SMU1: variants seen among roughly 807,000 people sequenced by gnomAD.
The protein encoded by SMU1 is SMU1 DNA replication regulator and spliceosomal factor.
In SMU1, 2 loss-of-function variants were observed where a neutral mutation model predicts 62.0. The ratio of observed to expected loss-of-function variants is 0.03; its 90% confidence interval spans 0.01 to 0.10. The LOEUF is 0.10. SMU1 is among the 10% of genes least tolerant of loss of function. The probability of loss-of-function intolerance (pLI) is 1.00; values close to 1 mark genes in which losing one functional copy is unlikely to be tolerated. For missense variants in SMU1, 227 were observed against 622.1 expected, an observed-to-expected ratio of 0.36 and a Z score of 6.76; for synonymous variants, 188 against 212.4, an observed-to-expected ratio of 0.89 and a Z score of 1.00.
chr9:33,067,912 T>C (rs973411759), intron 4 of SMU1, among the ~76,000 whole-genome samples: 6 of 152,184 alleles, frequency 3.9e-5, no homozygotes, highest in African/African-American at 1.4e-4. Context: ...TCCCTATTAA[T>C]CACTTGTGCC....
At chr9:33,070,663 G>A (rs577923091) in intron 3 of SMU1, among the ~76,000 whole-genome samples, 56 of 152,278 alleles carry the variant, frequency 3.7e-4, no homozygotes, top group Admixed American at 3.2e-3. Flanking sequence ...AAGAAAATGA[G>A]GTACATGTAC....
rs926024340 is a variant in SMU1 at position 33,041,782 on chromosome 9, A to C, written c.*5511T>G. 1 of 152,152 alleles carries C rather than the reference A, an allele frequency of 6.6e-6. No individual in the cohort carries two copies. Among genetic ancestry groups the C allele is most frequent in the Non-Finnish European group, 1.5e-5 (1 of 68,026 alleles). The allele number at this position is 152,152 out of a possible 1,614,324, so 9.4% of individuals were successfully genotyped here. A position where few individuals can be genotyped will look rare whatever the true frequency, so the allele number is the denominator to read the frequency against. On this transcript the variant is annotated 3_prime_UTR_variant, in exon 12 of 12. Transcript: ENST00000397149. ...AGGAATACTTTTTATACTTCCCCCA[A>C]ATATGAAGCACTTTACTGTTTGATA...
At chr9:33,052,017 CA>C (rs1387016680) in intron 10 of SMU1, among the ~76,000 whole-genome samples, 155 of 68,574 alleles carry the variant, frequency 2.3e-3, no homozygotes, top group Non-Finnish European at 2.6e-3. Flanking sequence ...AACTCCATCT[CA>C]AAAAAAAAAA....
At chr9:33,063,669 T>C (rs1263048374) in intron 4 of SMU1, among the ~76,000 whole-genome samples, 2 of 151,412 alleles carry the variant, frequency 1.3e-5, no homozygotes, top group Admixed American at 6.6e-5. Context: ...TAGATTCTCA[T>C]AGGAGCATGA....
At chr9:33,061,500 C>G (rs1036135273) in intron 5 of SMU1, among the ~76,000 whole-genome samples, 1 of 151,932 alleles carries the variant, frequency 6.6e-6, no homozygotes, top group Non-Finnish European at 1.5e-5. Context: ...TATAGAGATG[C>G]TAAAGTAGCA....
chr9:33,052,017 C>CAA (rs1387016680), intron 10 of SMU1, among the ~76,000 whole-genome samples: 22 of 68,542 alleles, frequency 3.2e-4, no homozygotes, highest in East Asian at 1.3e-3. Flanking sequence ...AACTCCATCT[C>CAA]AAAAAAAAAA....
chr9:33,061,092 A>G (rs1376254355), intron 5 of SMU1, among the ~76,000 whole-genome samples: 1 of 152,250 alleles, frequency 6.6e-6, no homozygotes, highest in Non-Finnish European at 1.5e-5. Flanking sequence ...GTAGCTGACC[A>G]AACTTAGAAG....
chr9:33,053,426 G>T, intron 9 of SMU1, 136 bp from the exon 10 acceptor site: 1 of 876,486 alleles, frequency 1.1e-6, no homozygotes, highest in Non-Finnish European at 1.7e-6. Context: ...CTTGATTTTA[G>T]GTCCAATCAA....
In SMU1 at chr9:33,070,626, C is replaced by T. The variant is rs1475039260; in HGVS notation, c.390+1114G>A. Reference sequence around the variant, plus strand: ...CACAATAGGCAAGATTTGGAAGCAACGATAAGTGACCATTAACAGATAAAT... The same window carrying T: ...CACAATAGGCAAGATTTGGAAGCAATGATAAGTGACCATTAACAGATAAAT... On this transcript the variant is annotated intron_variant, in intron 3 of 11. Transcript: ENST00000397149. Among the ~76,000 whole-genome samples, 3 of 152,226 alleles carry T rather than the reference C, an allele frequency of 2.0e-5. 1 individual carries two copies. The East Asian group carries it at 5.8e-4, about 29-fold the overall frequency.
In SMU1 at chr9:33,056,258, T is replaced by A. The variant is rs763802823; in HGVS notation, c.996-19A>T. ...ATGAATTCTACCAAATGAAAGTAAATGAAAAGAACAATAAATATTTAATAT... is the reference window on the plus strand; with the variant it reads ...ATGAATTCTACCAAATGAAAGTAAAAGAAAAGAACAATAAATATTTAATAT... On this transcript the variant is annotated intron_variant, in intron 8 of 11. Coordinates refer to ENST00000397149, the MANE Select transcript of SMU1 (RefSeq NM_018225.3). 3 of 1,602,384 alleles carry A rather than the reference T, an allele frequency of 1.9e-6. No homozygotes were observed.
At chr9:33,050,661 A>C (rs1198503825) in intron 10 of SMU1, among the ~76,000 whole-genome samples, 1 of 151,578 alleles carries the variant, frequency 6.6e-6, no homozygotes, top group Non-Finnish European at 1.5e-5. Flanking sequence ...CCCTGTCTCT[A>C]CTAAAAATAC....
chr9:33,065,572 C>T (rs1189703783), intron 4 of SMU1, among the ~76,000 whole-genome samples: 1 of 152,042 alleles, frequency 6.6e-6, no homozygotes, highest in Non-Finnish European at 1.5e-5. Context: ...AAAACCGAAA[C>T]CTAATTGTAC....
intron 3 of SMU1, among the ~76,000 whole-genome samples, chr9:33,070,062 C>A (rs1483948234): frequency 8.6e-5 from 13 of 151,650 alleles, no homozygotes; most frequent in African/African-American, 2.7e-4. Flanking sequence ...GAAGCGGAGG[C>A]TGCAGTGAGC....
Position 33,043,358 on chromosome 9 carries a change from C to T in SMU1, c.*3935G>A, listed in dbSNP as rs550925365. 1 of 152,182 alleles carries T rather than the reference C, an allele frequency of 6.6e-6. No homozygotes were observed. Among genetic ancestry groups the T allele is most frequent in the Non-Finnish European group, 1.5e-5 (1 of 68,030 alleles). 9.4% of individuals were successfully genotyped at this position (152,182 alleles called of 1,614,324 possible). Reference sequence around the variant, plus strand: ...AGCATGAAACTTCTGAGACTGACAGCAAGAATTAAAACACCTTTTGTATAT... The same window carrying T: ...AGCATGAAACTTCTGAGACTGACAGTAAGAATTAAAACACCTTTTGTATAT... On this transcript the variant is annotated 3_prime_UTR_variant, in exon 12 of 12. Coordinates refer to ENST00000397149, the MANE Select transcript of SMU1 (RefSeq NM_018225.3).
intron 9 of SMU1, among the ~76,000 whole-genome samples, chr9:33,053,907 G>A (rs1564020637): frequency 1.3e-5 from 2 of 152,090 alleles, no homozygotes. Context: ...TTAGCCAATA[G>A]AGCTCTCTCT....
intron 9 of SMU1, among the ~76,000 whole-genome samples, chr9:33,055,518 G>A (rs187771353): frequency 6.6e-5 from 10 of 151,856 alleles, no homozygotes; most frequent in Admixed American, 5.9e-4. Flanking sequence ...TTTCTATTTG[G>A]GTTTCTCATA....
intron 11 of SMU1, 35 bp from the exon 12 acceptor site, chr9:33,047,426 G>C (rs1296948746): frequency 1.3e-6 from 2 of 1,567,554 alleles, no homozygotes; most frequent in East Asian, 4.5e-5. Flanking sequence ...AGGATGTACA[G>C]ATCTGCAATA....
intron 10 of SMU1, among the ~76,000 whole-genome samples, chr9:33,048,751 A>G (rs1839213089): frequency 6.6e-6 from 1 of 152,224 alleles, no homozygotes; most frequent in African/African-American, 2.4e-5. Flanking sequence ...AACAGTTTAC[A>G]TACTATATGC....
chr9:33,057,815 T>C, intron 6 of SMU1, 101 bp from the exon 7 acceptor site: 1 of 1,483,616 alleles, frequency 6.7e-7, no homozygotes, highest in Non-Finnish European at 9.1e-7. Flanking sequence ...GTACCTACTC[T>C]AAACCCCCAA....
Sources: allele counts gnomAD v4.1 joint callset (sites outside exome capture counted in the v4.1 genomes callset), GRCh38; gene constraint gnomAD v4.1.1; transcripts MANE v1.5; gene names NCBI Gene and HGNC (gene_info 2026-07-23, HGNC 2026-07-21).